EDNRB: variants seen among roughly 807,000 people sequenced by gnomAD.
EDNRB encodes the protein endothelin receptor type B.
A neutral mutation model predicts 46.4 loss-of-function variants in EDNRB; 18 were observed. That is an observed-to-expected ratio of 0.39 (90% CI 0.27 to 0.57). The LOEUF (loss-of-function observed/expected upper bound fraction) is 0.57, where lower values mean the gene tolerates loss of function less well. Among genes scored for constraint, EDNRB ranks in the 20% least tolerant of loss-of-function variants. The probability of loss-of-function intolerance (pLI) is 0.61; values close to 1 mark genes in which losing one functional copy is unlikely to be tolerated. For missense variants in EDNRB, 434 were observed against 537.5 expected (o/e 0.81, Z 1.90); for synonymous variants, 213 against 204.9 (o/e 1.04, Z -0.34).
chr13:77,953,667 T>G (rs1217951369), intron 1 of EDNRB, among the ~76,000 whole-genome samples: 1 of 152,156 alleles, frequency 6.6e-6, no homozygotes, highest in Non-Finnish European at 1.5e-5. Flanking sequence ...ATATGTGTGT[T>G]TGAATGGAAT....
Position 77,918,538 on chromosome 13 carries a change from C to G in EDNRB, c.36G>C (p.Leu12=). ...GGCCGCAGGCAAGAACCAGCGCAAC[C>G]AGGGCGCGTCCGCACAGACTTGGAG... ...QPPPSLCGRA[L]VALVLACGLS... is the part of the protein sequence containing the mutation. The change falls in exon 1 of 7, where the codon CTG becomes CTC. Residue 12 remains leucine (L), a synonymous_variant. Coordinates refer to ENST00000646607, the MANE Select transcript of EDNRB (RefSeq NM_001122659.3). This position sits in a 1 kb window ranked among gnomAD's most constrained non-coding sequence, Gnocchi z 4.5. The G allele has an allele frequency of 1.9e-6, 3 of 1,595,326 alleles. No individual in the cohort carries two copies. The highest frequency in any genetic ancestry group is 1.7e-6 in the Non-Finnish European group (2 of 1,173,560).
In EDNRB at chr13:77,938,088, TC is replaced by T. The variant is rs1195889415; in HGVS notation, c.-51-19465del. Among the ~76,000 whole-genome samples the T allele has an allele frequency of 5.9e-5, 9 of 152,132 alleles. 1 individual carries two copies. In the East Asian group the frequency reaches 1.7e-3, roughly 29 times the overall value. ...GAAAATAAGGCATTTAGGTTTTAGG[TC>T]AGGTGTGAGTTGAAGAGGTTTTAAT... On this transcript the variant is annotated intron_variant, in intron 1 of 7. Transcript: ENST00000646948.
In EDNRB at chr13:77,931,140, T is replaced by C. The variant is rs543628123; in HGVS notation, c.-51-12516A>G. On this transcript the variant is annotated intron_variant, in intron 1 of 7. Coordinates refer to the EDNRB transcript ENST00000646948. ...AGCCTGTTTTACTAAAGCCATCGTG[T>C]AAGGCCAGATTTCTATTTTTTTAAT... 2.6e-5 allele frequency among the ~76,000 whole-genome samples: 4 copies of C among 152,302 alleles called. 1 individual carries two copies. The highest frequency in any genetic ancestry group is 9.6e-5 in the African/African-American group (4 of 41,584).
At chr13:77,919,290 A>T, upstream of EDNRB, 2 of 1,214,888 alleles carry the variant, frequency 1.6e-6, no homozygotes, top group Non-Finnish European at 1.1e-6. Context: ...CCCTCTCTAT[A>T]GGCTTAATTT....
chr13:77,958,228 C>T (rs924250923), intron 1 of EDNRB, among the ~76,000 whole-genome samples: 13 of 152,316 alleles, frequency 8.5e-5, no homozygotes, highest in Admixed American at 7.8e-4. Context: ...TCATTAAAAA[C>T]ACCCACAGGT....
chr13:77,951,212 G>A (rs1450096665), intron 1 of EDNRB, among the ~76,000 whole-genome samples: 1 of 152,178 alleles, frequency 6.6e-6, no homozygotes, highest in Non-Finnish European at 1.5e-5. Flanking sequence ...GATTGGATAA[G>A]CAAAGCCAGT....
chr13:77,974,934 C>T (rs922222932), intron 1 of EDNRB, among the ~76,000 whole-genome samples: 1 of 152,054 alleles, frequency 6.6e-6, no homozygotes, highest in Non-Finnish European at 1.5e-5. Context: ...TTATTTGTGC[C>T]TGACCCATGC....
intron 1 of EDNRB, among the ~76,000 whole-genome samples, chr13:77,965,098 C>A (rs565650164): frequency 6.6e-6 from 1 of 152,244 alleles, no homozygotes; most frequent in Non-Finnish European, 1.5e-5. Context: ...AAGCTATGAA[C>A]CTGTCCTAGA....
intron 1 of EDNRB, among the ~76,000 whole-genome samples, chr13:77,948,065 T>C (rs1241518931): frequency 6.6e-6 from 1 of 152,220 alleles, no homozygotes; most frequent in African/African-American, 2.4e-5. Context: ...ATTAGATTAC[T>C]TAATGGTGCC....
chr13:77,936,817 C>G (rs1464530003), intron 1 of EDNRB, among the ~76,000 whole-genome samples: 1 of 152,232 alleles, frequency 6.6e-6, no homozygotes, highest in Non-Finnish European at 1.5e-5. Context: ...TGTAGGAATG[C>G]TTGACTGCTG....
chr13:77,963,355 C>A (rs145376286), intron 1 of EDNRB, among the ~76,000 whole-genome samples: 2,177 of 152,272 alleles, frequency 0.014, 46 homozygotes, highest in East Asian at 0.024. Flanking sequence ...CATTATGCTA[C>A]CTGACTTCAA....
chr13:77,969,757 A>C (rs1391692964), intron 1 of EDNRB, among the ~76,000 whole-genome samples: 1 of 151,792 alleles, frequency 6.6e-6, no homozygotes, highest in Non-Finnish European at 1.5e-5. Context: ...TTCTAGCTTG[A>C]CTCTCCTTTA....
intron 1 of EDNRB, among the ~76,000 whole-genome samples, chr13:77,973,937 C>CT (rs56943468): frequency 0.038 from 5,454 of 143,344 alleles, 166 homozygotes; most frequent in East Asian, 0.09. Flanking sequence ...CCCTTTTTTC[C>CT]TTTTTTTTTT....
chr13:77,952,201 C>T (rs935023325), intron 1 of EDNRB, among the ~76,000 whole-genome samples: 1 of 152,046 alleles, frequency 6.6e-6, no homozygotes, highest in Non-Finnish European at 1.5e-5. Flanking sequence ...AAGAGGAGGA[C>T]GTTCCCGAAA....
At chr13:77,911,209 A>G (rs894559791) in intron 1 of EDNRB, among the ~76,000 whole-genome samples, 12 of 152,092 alleles carry the variant, frequency 7.9e-5, no homozygotes, top group Non-Finnish European at 1.3e-4. Flanking sequence ...CACTGGTGAT[A>G]TCTGAAGACA....
chr13:77,919,010 G>C (rs1566318096), upstream of EDNRB: 3 of 725,860 alleles, frequency 4.1e-6, no homozygotes, highest in East Asian at 5.5e-5. Flanking sequence ...AAGGCACCTA[G>C]AGGCCAAGGG....
At chr13:77,970,503 T>A (rs1881698043) in intron 1 of EDNRB, among the ~76,000 whole-genome samples, 1 of 152,104 alleles carries the variant, frequency 6.6e-6, no homozygotes. Context: ...TGAATGGGGG[T>A]CTGGTATCCT....
chr13:77,898,059 G>T lies in EDNRB; in HGVS notation c.*141C>A. 1 of 1,467,586 alleles carries T rather than the reference G, an allele frequency of 6.8e-7. No individual in the cohort carries two copies. Among genetic ancestry groups the T allele is most frequent in the Non-Finnish European group, 9.0e-7 (1 of 1,112,492 alleles). 90.9% of individuals were successfully genotyped at this position (1,467,586 alleles called of 1,614,324 possible). On this transcript the variant is annotated 3_prime_UTR_variant, in exon 7 of 7. Transcript: ENST00000646607. The stretch of plus-strand genomic sequence containing the variant: ...TAAAATGTCATATGTAGCTGTGAGT[G>T]TTAAAATAATTACACTTAATATTTT...
At chr13:77,939,073 G>A (rs780659337) in intron 1 of EDNRB, 9 of 152,202 alleles carry the variant, frequency 5.9e-5, no homozygotes, top group Non-Finnish European at 1.3e-4. Context: ...AGTCCAGAAA[G>A]AGAGTCAGTA....
Sources: gnomAD v4.1 joint callset for allele counts (sites outside exome capture counted in the v4.1 genomes callset) on GRCh38, gnomAD v4.1.1 for gene constraint, Gnocchi (gnomAD v3.1) non-coding constraint, MANE v1.5 for transcripts, NCBI Gene and HGNC (gene_info 2026-07-23, HGNC 2026-07-21) for gene names.